Variants in DOT1L observed in about 807,000 individuals in gnomAD.
DOT1L encodes the protein histone-lysine N-methyltransferase, H3 lysine-79 specific.
DOT1L carries 33 observed loss-of-function variants against 153.3 expected under a neutral mutation model. The ratio of observed to expected loss-of-function variants is 0.22; its 90% CI spans 0.16 to 0.29. The LOEUF is 0.29. DOT1L is among the 10% of genes least tolerant of loss of function. The pLI, the probability that DOT1L is intolerant of heterozygous loss-of-function variation, is 1.00. For synonymous variants in DOT1L, 1,135 were observed against 965.1 expected (o/e 1.18, Z -3.26); for missense variants, 1,847 against 2,119.9 (o/e 0.87, Z 2.53).
At chr19:2,213,714 G>A (rs1259678526) in intron 17 of DOT1L, 74 bp downstream of exon 17, 1 of 1,596,958 alleles carries the variant, frequency 6.3e-7, no homozygotes, top group Non-Finnish European at 8.5e-7. Flanking sequence ...CCGTCGGTAT[G>A]GCTTCCTGTG....
chr19:2,214,949 C>T (rs2023843256), intron 19 of DOT1L, among the ~76,000 whole-genome samples: 1 of 152,192 alleles, frequency 6.6e-6, no homozygotes, highest in South Asian at 2.1e-4. Context: ...GGTGCAGGGG[C>T]TTATGCCTGT....
At chr19:2,188,493 C>CA (rs1369923900) in intron 3 of DOT1L, among the ~76,000 whole-genome samples, 2 of 133,452 alleles carry the variant, frequency 1.5e-5, no homozygotes, top group East Asian at 4.2e-4. Flanking sequence ...CCCCCCCCCC[C>CA]CACCCGCACA....
chr19:2,227,093 C>T lies in DOT1L; in HGVS notation c.4572C>T (p.Gly1524=). The change falls in exon 27 of 28, where the codon GGC becomes GGT. Residue 1524 remains glycine (G), a synonymous_variant. Transcript: ENST00000398665. ...GACTGACCAACTCGCACGCCATGGG[C>T]AGCTTTTCCGGGGTGGCAGGCGGCA... is the stretch of plus-strand genomic sequence containing the variant. ...ATRLTNSHAM[G]SFSGVAGGTV... The T allele has an allele frequency of 9.6e-6, 15 of 1,559,676 alleles. No homozygotes were observed. The highest frequency in any genetic ancestry group is 1.3e-5 in the Non-Finnish European group (15 of 1,158,918).
At position 2,227,024 on chromosome 19, in the gene DOT1L, G is replaced by A. The variant is rs2144938942; in HGVS notation, c.4503G>A (p.Val1501=). ...TGCTGCAGTCGCTGTTCAGCTCTGT[G>A]CCGGCCGCCGCAGGCCTGGTGCACG... The part of the protein sequence containing the change: ...SSVLQSLFSS[V]PAAAGLVHVS... Residue 1501 remains valine, a synonymous_variant, in exon 27 of 28, where the codon GTG becomes GTA. Coordinates refer to ENST00000398665, the MANE Select transcript of DOT1L (RefSeq NM_032482.3). The A allele has an allele frequency of 6.3e-7, 1 of 1,585,584 alleles. No homozygotes were observed. The highest frequency in any genetic ancestry group is 8.5e-7 in the Non-Finnish European group (1 of 1,172,890).
intron 3 of DOT1L, 137 bp downstream of exon 3, chr19:2,186,066 GC>G: frequency 1.2e-6 from 1 of 825,020 alleles, no homozygotes; most frequent in Non-Finnish European, 2.0e-6. Context: ...GTTGGCCGTG[GC>G]CACCATAAAG....
intron 1 of DOT1L, 64 bp from the exon 2 acceptor site, chr19:2,180,649 A>C: frequency 8.2e-6 from 13 of 1,592,562 alleles, no homozygotes; most frequent in South Asian, 1.1e-5. Flanking sequence ...TTGTCCGGGA[A>C]GAGAGCGATG....
intron 1 of DOT1L, among the ~76,000 whole-genome samples, chr19:2,169,196 C>T (rs770896029): frequency 6.4e-4 from 97 of 152,192 alleles, no homozygotes; most frequent in Non-Finnish European, 1.0e-3. Context: ...GAGTAGCAGC[C>T]GGGGCGGGGT....
rs1338839282 is a variant in DOT1L at position 2,220,020 on chromosome 19, G to A, written c.2692-88G>A. The A allele has an allele frequency of 4.0e-6, 5 of 1,256,616 alleles. No homozygotes were observed. The Admixed American group carries it at 6.7e-5, about 17-fold the overall frequency. The allele number at this position is 1,256,616 out of a possible 1,614,324, so 77.8% of individuals were successfully genotyped here. ...CCCCGGCGGCCTCCCCCAGCCAGCT[G>A]CAGGCCTCAACACTCACTGTTTCCA... On this transcript the variant is annotated intron_variant, in intron 22 of 27. Transcript: ENST00000398665. This position sits in a 1 kb window ranked among gnomAD's most constrained non-coding sequence, Gnocchi z 4.5.
Position 2,226,490 on chromosome 19 carries a change from C to T in DOT1L, c.3969C>T (p.Ala1323=), listed in dbSNP as rs200857904. 279 of 1,600,812 alleles carry T rather than the reference C, an allele frequency of 1.7e-4. 1 individual carries two copies. In the African/African-American group the frequency reaches 3.4e-3, roughly 19 times the overall value. Residue 1323 remains alanine (A), a synonymous_variant, in exon 27 of 28, where the codon GCC becomes GCT. Coordinates refer to ENST00000398665, the MANE Select transcript of DOT1L (RefSeq NM_032482.3). Reference sequence around the variant, plus strand: ...GCTGCACCTTCGGCGGGGGCCTGGCCGCGGACCTGAGTTTACACAGCTTCA... The same window carrying T: ...GCTGCACCTTCGGCGGGGGCCTGGCTGCGGACCTGAGTTTACACAGCTTCA... ...ANGCTFGGGL[A]ADLSLHSFSD...
Position 2,214,088 on chromosome 19 carries a change from G to A in DOT1L, c.1797+102G>A, listed in dbSNP as rs897847663. 6 of 1,482,784 alleles carry A rather than the reference G, an allele frequency of 4.0e-6. No homozygotes were observed. In the African/African-American group the frequency reaches 8.4e-5, roughly 21 times the overall value. 91.9% of individuals were successfully genotyped at this position (1,482,784 alleles called of 1,614,324 possible). A position where few individuals can be genotyped will look rare whatever the true frequency, so the allele number is the denominator to read the frequency against. On this transcript the variant is annotated intron_variant, in intron 18 of 27. Coordinates refer to ENST00000398665, the MANE Select transcript of DOT1L (RefSeq NM_032482.3). ...GGGAGGCTCTGGAAGGCCCGCCTCT[G>A]TTGTGGGGTTTGTTCCCAGACGAAT...
Position 2,217,018 on chromosome 19 carries a change from G to T in DOT1L, c.2472G>T (p.Lys824Asn). The change falls in exon 21 of 28, where the codon AAG becomes AAT. Residue 824 changes from lysine to asparagine, a missense_variant. By Grantham distance (94) the Lys-to-Asn change is moderately conservative (BLOSUM62 0). This residue lies in a region of DOT1L where 281 missense variants were observed against 263.6 expected (regional missense o/e 1.07). Transcript: ENST00000398665. The surrounding 1 kb of genome is among the most constrained non-coding windows in gnomAD (Gnocchi z 7.3). ...GCCCCAGCGTGCCTGGCAGCATGAA[G>T]CTGAGCCCTCAGGACCCGCGGCCCC... ...YQSPSVPGSM[K>N]LSPQDPRPLS... 2 of 1,613,150 alleles carry T rather than the reference G, an allele frequency of 1.2e-6. No individual in the cohort carries two copies. The highest frequency in any genetic ancestry group is 2.2e-5 in the South Asian group (2 of 91,060).
chr19:2,220,426 G>A lies in DOT1L; in HGVS notation c.2806+204G>A, dbSNP rs751218375. On this transcript the variant is annotated intron_variant, in intron 23 of 27. Coordinates refer to ENST00000398665, the MANE Select transcript of DOT1L (RefSeq NM_032482.3). This position sits in a 1 kb window ranked among gnomAD's most constrained non-coding sequence, Gnocchi z 4.5. ...GATCGGGCTCAGCTGCAGCCATCTC[G>A]GCCTCATACCTGGGTCTCCCGACAC... The A allele has an allele frequency of 1.0e-5, 7 of 678,200 alleles. No individual in the cohort carries two copies. The highest frequency in any genetic ancestry group is 2.4e-4 in the Middle Eastern group (1 of 4,238). 42.0% of individuals were successfully genotyped at this position (678,200 alleles called of 1,614,324 possible). A position where few individuals can be genotyped will look rare whatever the true frequency, so the allele number is the denominator to read the frequency against.
Position 2,191,077 on chromosome 19 carries a change from C to T in DOT1L, c.330C>T (p.Ile110=). The T allele has an allele frequency of 6.2e-7, 1 of 1,612,816 alleles. No homozygotes were observed. The highest frequency in any genetic ancestry group is 1.3e-5 in the African/African-American group (1 of 74,984). The change falls in exon 5 of 28, where the codon ATC becomes ATT. Residue 110 remains isoleucine, a synonymous_variant. Transcript: ENST00000398665. This position sits in a 1 kb window ranked among gnomAD's most constrained non-coding sequence, Gnocchi z 6.8. ...CGTCCACTGGACTCCTGCGCCATAT[C>T]CTGCAGCAGGTCTACAACCACTCGG... ...TRPSTGLLRH[I]LQQVYNHSVT...
chr19:2,229,433 G>T, intron 27 of DOT1L: 1 of 985,482 alleles, frequency 1.0e-6, no homozygotes, highest in Non-Finnish European at 1.2e-6. Flanking sequence ...TGTGGCCAGG[G>T]CTGGTCAGCC....
chr19:2,210,659 C>G lies in DOT1L; in HGVS notation c.1155C>G (p.Thr385=), dbSNP rs377684358. 3 of 1,612,892 alleles carry G rather than the reference C, an allele frequency of 1.9e-6. No homozygotes were observed. In the South Asian group the frequency reaches 3.3e-5, roughly 18 times the overall value. ...GAEEEKAGAA[T]VKKPSPSKAR... ...AGGAAGAGAAGGCGGGAGCAGCCAC[C>G]GTGAAGAAGCCGTCTCCCTCCAAAG... The change falls in exon 14 of 28, where the codon ACC becomes ACG. Residue 385 remains threonine, a synonymous_variant. Transcript: ENST00000398665.
chr19:2,175,441 C>T (rs796394973), intron 1 of DOT1L, among the ~76,000 whole-genome samples: 71 of 152,360 alleles, frequency 4.7e-4, no homozygotes, highest in African/African-American at 1.4e-3. Context: ...GCTGGGACCC[C>T]AGGCATGGGC....
intron 7 of DOT1L, among the ~76,000 whole-genome samples, chr19:2,195,762 C>T (rs1042859678): frequency 1.3e-5 from 2 of 152,226 alleles, no homozygotes; most frequent in African/African-American, 4.8e-5. Flanking sequence ...TGGAACATGG[C>T]AAGGCCAACT....
chr19:2,216,689 A>G lies in DOT1L; in HGVS notation c.2332A>G (p.Lys778Glu). 6.2e-7 allele frequency: 1 copy of G among 1,603,224 alleles called. No individual in the cohort carries two copies. The highest frequency in any genetic ancestry group is 8.5e-7 in the Non-Finnish European group (1 of 1,179,854). ...CGACTACACTAGGCTGTCCCCGGCC[A>G]AGATTGTGCTGAGGCGGCACCTGAG... is the stretch of plus-strand genomic sequence containing the variant. ...APDYTRLSPAKIVLRRHLSQD... is the reference protein window; with the variant it reads ...APDYTRLSPAEIVLRRHLSQD... The change falls in exon 20 of 28, where the codon AAG (lysine) becomes GAG (glutamate). Residue 778 changes from lysine to glutamate, a missense_variant. Coordinates refer to ENST00000398665, the MANE Select transcript of DOT1L (RefSeq NM_032482.3).
intron 22 of DOT1L, among the ~76,000 whole-genome samples, chr19:2,219,545 C>T (rs1193109125): frequency 1.3e-5 from 2 of 152,140 alleles, no homozygotes; most frequent in African/African-American, 4.8e-5. Context: ...CCTGTTTTGG[C>T]GATTGTGAAT....
Sources: allele counts gnomAD v4.1 joint callset (sites outside exome capture counted in the v4.1 genomes callset), GRCh38; gene constraint gnomAD v4.1.1; regional missense constraint gnomAD v4.1.1; non-coding constraint Gnocchi (gnomAD v3.1); transcripts MANE v1.5; gene names NCBI Gene and HGNC (gene_info 2026-07-23, HGNC 2026-07-21).